PELI2: variants seen among roughly 807,000 people sequenced by gnomAD.
The protein encoded by PELI2 is pellino E3 ubiquitin protein ligase family member 2.
In PELI2, 23 loss-of-function variants were observed where a neutral mutation model predicts 42.3. The ratio of observed to expected loss-of-function variants is 0.54; its 90% CI spans 0.39 to 0.77. The LOEUF (loss-of-function observed/expected upper bound fraction) is 0.77. Among genes scored for constraint, PELI2 ranks in the 30% least tolerant of loss-of-function variants. PELI2 has a pLI of 0.00. For missense variants in PELI2, 463 were observed against 553.2 expected (o/e 0.84, Z 1.64); for synonymous variants, 245 against 212.2 (o/e 1.15, Z -1.34).
intron 1 of PELI2, among the ~76,000 whole-genome samples, chr14:56,142,965 A>G (rs1240407049): frequency 1.3e-5 from 2 of 152,214 alleles, no homozygotes; most frequent in Non-Finnish European, 2.9e-5. Context: ...TGGAAAAATT[A>G]TGGAACCTGG....
At chr14:56,159,504 A>G (rs1234394887) in intron 1 of PELI2, among the ~76,000 whole-genome samples, 4 of 152,246 alleles carry the variant, frequency 2.6e-5, no homozygotes, top group Non-Finnish European at 5.9e-5. Flanking sequence ...ATATAATAAC[A>G]AACCTTTACC....
chr14:56,189,852 T>C (rs1885896647), intron 2 of PELI2, among the ~76,000 whole-genome samples: 1 of 152,252 alleles, frequency 6.6e-6, no homozygotes, highest in Non-Finnish European at 1.5e-5. Context: ...ATCACAGCAG[T>C]GAAGGTTTAA....
At chr14:56,136,370 G>T (rs242420) in intron 1 of PELI2, among the ~76,000 whole-genome samples, 62,442 of 152,062 alleles carry the variant, frequency 0.41, 13,226 homozygotes, top group Non-Finnish European at 0.46. Context: ...TTATAATTTA[G>T]AAGCATCACT....
chr14:56,260,428 G>C (rs914843102), intron 2 of PELI2, among the ~76,000 whole-genome samples: 6 of 152,136 alleles, frequency 3.9e-5, no homozygotes, highest in African/African-American at 1.4e-4. Context: ...AGAAAAGACA[G>C]CTATAGTGAC....
chr14:56,289,763 A>T (rs1302158489), intron 4 of PELI2, among the ~76,000 whole-genome samples: 2 of 152,242 alleles, frequency 1.3e-5, no homozygotes, highest in Non-Finnish European at 2.9e-5. Context: ...TTAAACGGTG[A>T]TTATTATGAA....
chr14:56,129,491 T>G (rs1883400992), intron 1 of PELI2, among the ~76,000 whole-genome samples: 1 of 152,196 alleles, frequency 6.6e-6, no homozygotes, highest in Admixed American at 6.5e-5. Context: ...ATCCAAGAAC[T>G]CTTTCCTGTT....
intron 2 of PELI2, among the ~76,000 whole-genome samples, chr14:56,227,802 G>T (rs1391987896): frequency 6.6e-6 from 1 of 152,190 alleles, no homozygotes; most frequent in Non-Finnish European, 1.5e-5. Context: ...CCTGAACATT[G>T]TGTTGTGCCA....
chr14:56,246,147 C>T (rs564191490), intron 2 of PELI2, among the ~76,000 whole-genome samples: 1 of 152,282 alleles, frequency 6.6e-6, no homozygotes, highest in South Asian at 2.1e-4. Context: ...CTGGAGTGCA[C>T]CTGGTGCGTT....
intron 2 of PELI2, among the ~76,000 whole-genome samples, chr14:56,223,549 G>T (rs1887229060): frequency 6.6e-6 from 1 of 152,206 alleles, no homozygotes; most frequent in Admixed American, 6.5e-5. Flanking sequence ...TGGATTGGGT[G>T]CAGTCATAAT....
chr14:56,221,901 A>G (rs1175335487), intron 2 of PELI2, among the ~76,000 whole-genome samples: 1 of 152,162 alleles, frequency 6.6e-6, no homozygotes, highest in Non-Finnish European at 1.5e-5. Flanking sequence ...TATCCTGATA[A>G]CATGTGACAG....
chr14:56,217,949 C>T (rs1203238332), intron 2 of PELI2, among the ~76,000 whole-genome samples: 1 of 152,210 alleles, frequency 6.6e-6, no homozygotes, highest in Non-Finnish European at 1.5e-5. Context: ...CAGGGAAGCA[C>T]TCTGCTAACT....
intron 2 of PELI2, among the ~76,000 whole-genome samples, chr14:56,272,931 AAG>A (rs1889154528): frequency 6.6e-6 from 1 of 152,202 alleles, no homozygotes; most frequent in Non-Finnish European, 1.5e-5. Context: ...TGAGTCACAT[AAG>A]ATTTTTTAAA....
chr14:56,297,953 TA>T lies in PELI2; in HGVS notation c.*792del, dbSNP rs1287644063. 2.6e-5 allele frequency: 4 copies of T among 152,294 alleles called. No individual in the cohort carries two copies. The East Asian group carries it at 7.7e-4, about 29-fold the overall frequency. The allele number at this position is 152,294 out of a possible 1,614,324, so 9.4% of individuals were successfully genotyped here. On this transcript the variant is annotated 3_prime_UTR_variant, in exon 6 of 6. Coordinates refer to ENST00000267460, the MANE Select transcript of PELI2 (RefSeq NM_021255.3). Reference sequence around the variant, plus strand: ...TGGTTGATTAAAATACATCAGCTCTTAAAAACTCATTAACTGAGGGTAATTA... The same window carrying T: ...TGGTTGATTAAAATACATCAGCTCTTAAAACTCATTAACTGAGGGTAATTA...
chr14:56,127,581 G>C (rs1297711616), intron 1 of PELI2, among the ~76,000 whole-genome samples: 1 of 152,206 alleles, frequency 6.6e-6, no homozygotes, highest in African/African-American at 2.4e-5. Flanking sequence ...GTGTGGTGCA[G>C]TTTACAAAAG....
intron 2 of PELI2, among the ~76,000 whole-genome samples, chr14:56,192,767 A>G (rs1420345810): frequency 6.6e-6 from 1 of 152,242 alleles, no homozygotes; most frequent in Non-Finnish European, 1.5e-5. Flanking sequence ...GAGTTAATAC[A>G]TGTAAATCTT....
At chr14:56,275,480 A>G (rs1004850148) in intron 2 of PELI2, among the ~76,000 whole-genome samples, 3 of 152,180 alleles carry the variant, frequency 2.0e-5, no homozygotes, top group East Asian at 3.8e-4. Flanking sequence ...GTTTTCCAGC[A>G]ACCAGACAGT....
chr14:56,178,224 G>A, intron 1 of PELI2, 111 bp from the exon 2 acceptor site: 3 of 1,081,638 alleles, frequency 2.8e-6, no homozygotes, highest in South Asian at 3.0e-5. Flanking sequence ...TGTTTAGTGG[G>A]CAATTCTTTT....
intron 2 of PELI2, among the ~76,000 whole-genome samples, chr14:56,208,079 C>T (rs1300139307): frequency 1.3e-5 from 2 of 152,338 alleles, no homozygotes; most frequent in East Asian, 3.9e-4. Context: ...TATCAAGGTG[C>T]ATCAGCCAGC....
chr14:56,181,840 A>ATGTGTGTGTG (rs3042510), intron 2 of PELI2, among the ~76,000 whole-genome samples: 1 of 148,250 alleles, frequency 6.7e-6, no homozygotes, highest in African/African-American at 2.5e-5. Context: ...TGATTATGTA[A>ATGTGTGTGTG]TGTGTGTGTG....
Sources: allele counts gnomAD v4.1 joint callset (sites outside exome capture counted in the v4.1 genomes callset), GRCh38; gene constraint gnomAD v4.1.1; transcripts MANE v1.5; gene names NCBI Gene and HGNC (gene_info 2026-07-23, HGNC 2026-07-21).